The following SUCLG2 variants were observed in gnomAD, a reference collection of about 807,000 sequenced individuals.
SUCLG2 encodes the protein succinate--CoA ligase [GDP-forming] subunit beta, mitochondrial.
In SUCLG2, 42 loss-of-function variants were observed where a neutral mutation model predicts 47.9. The observed-to-expected ratio is 0.88, with a 90% CI of 0.69 to 1.14. The LOEUF (loss-of-function observed/expected upper bound fraction) is 1.14. SUCLG2 is among the 50% of genes most tolerant of loss of function. SUCLG2 has a pLI of 0.00. For synonymous variants in SUCLG2, 195 were observed against 197.3 expected (o/e 0.99, Z 0.10); for missense variants, 571 against 525.9 (o/e 1.09, Z -0.84).
intron 2 of SUCLG2, among the ~76,000 whole-genome samples, chr3:67,546,750 A>T (rs947551091): frequency 1.4e-4 from 21 of 151,514 alleles, no homozygotes; most frequent in African/African-American, 5.1e-4. Context: ...AAACAAACAA[A>T]ATTAGCTGAG....
chr3:67,538,889 G>C (rs949419484), intron 2 of SUCLG2, among the ~76,000 whole-genome samples: 1 of 152,186 alleles, frequency 6.6e-6, no homozygotes, highest in African/African-American at 2.4e-5. Flanking sequence ...GAATGCTTGT[G>C]ATTTTTGCAC....
chr3:67,412,620 C>T (rs1702953957), intron 9 of SUCLG2, among the ~76,000 whole-genome samples: 1 of 152,096 alleles, frequency 6.6e-6, no homozygotes, highest in Non-Finnish European at 1.5e-5. Flanking sequence ...GCACGATTGT[C>T]TTGGGTGGCT....
At chr3:67,397,137 A>G (rs1702550231) in intron 10 of SUCLG2, among the ~76,000 whole-genome samples, 1 of 151,214 alleles carries the variant, frequency 6.6e-6, no homozygotes, top group African/African-American at 2.4e-5. Context: ...CTCTCTCACC[A>G]CTCCTATTCA....
intron 2 of SUCLG2, among the ~76,000 whole-genome samples, chr3:67,543,399 T>C (rs1203807539): frequency 6.6e-6 from 1 of 152,138 alleles, no homozygotes; most frequent in Non-Finnish European, 1.5e-5. Flanking sequence ...AGCCACTTTG[T>C]GAGGCCGAGG....
At chr3:67,613,935 C>G (rs766533028) in intron 1 of SUCLG2, among the ~76,000 whole-genome samples, 1 of 152,110 alleles carries the variant, frequency 6.6e-6, no homozygotes, top group African/African-American at 2.4e-5. Flanking sequence ...AGGACTTTCA[C>G]GAAATGCTGA....
chr3:67,392,659 G>C (rs1274674410), intron 10 of SUCLG2, among the ~76,000 whole-genome samples: 1 of 152,032 alleles, frequency 6.6e-6, no homozygotes, highest in Non-Finnish European at 1.5e-5. Context: ...TGCTCCTTAA[G>C]GTAAAAACCA....
chr3:67,460,824 AAAG>A (rs1704312800), intron 9 of SUCLG2, among the ~76,000 whole-genome samples: 1 of 152,246 alleles, frequency 6.6e-6, no homozygotes, highest in African/African-American at 2.4e-5. Flanking sequence ...ACTATACAGT[AAAG>A]AAGAGAGTAA....
At chr3:67,533,517 G>C (rs930710819) in intron 2 of SUCLG2, among the ~76,000 whole-genome samples, 1 of 152,132 alleles carries the variant, frequency 6.6e-6, no homozygotes, top group African/African-American at 2.4e-5. Context: ...AAGTTAAATT[G>C]TATTTCAGAA....
chr3:67,558,637 T>C (rs755528143), intron 2 of SUCLG2, among the ~76,000 whole-genome samples: 14 of 152,144 alleles, frequency 9.2e-5, no homozygotes, highest in African/African-American at 1.4e-4. Context: ...TTTCCGGTAA[T>C]AGAAATTTCC....
chr3:67,625,274 C>G (rs763941641), intron 1 of SUCLG2, among the ~76,000 whole-genome samples: 17 of 152,030 alleles, frequency 1.1e-4, no homozygotes, highest in Admixed American at 9.8e-4. Context: ...CTTCACCCTG[C>G]CATTTATTCA....
chr3:67,364,372 C>A (rs1024929677), intron 10 of SUCLG2, among the ~76,000 whole-genome samples: 2 of 152,048 alleles, frequency 1.3e-5, no homozygotes, highest in Non-Finnish European at 2.9e-5. Flanking sequence ...GGCATCCCCC[C>A]CAACTATTCA....
intron 1 of SUCLG2, among the ~76,000 whole-genome samples, chr3:67,633,139 G>C (rs947551059): frequency 6.6e-6 from 1 of 152,142 alleles, no homozygotes; most frequent in African/African-American, 2.4e-5. Context: ...ATGTGCTTAA[G>C]CCAGAAAACA....
intron 1 of SUCLG2, among the ~76,000 whole-genome samples, chr3:67,646,377 C>T (rs1284753088): frequency 6.6e-6 from 1 of 152,162 alleles, no homozygotes; most frequent in East Asian, 1.9e-4. Context: ...GGTGGACCAC[C>T]TGAGGTCAGG....
chr3:67,432,974 C>T (rs371986924), intron 9 of SUCLG2, among the ~76,000 whole-genome samples: 4 of 152,148 alleles, frequency 2.6e-5, no homozygotes, highest in South Asian at 2.1e-4. Context: ...TAATTTCTCT[C>T]GAGCTTCCTG....
intron 9 of SUCLG2, among the ~76,000 whole-genome samples, chr3:67,451,622 T>C (rs1704059110): frequency 1.3e-5 from 2 of 152,182 alleles, no homozygotes; most frequent in African/African-American, 2.4e-5. Flanking sequence ...ACAATGACTA[T>C]TTTCATAGAT....
chr3:67,482,871 G>T (rs1200949069), intron 9 of SUCLG2, among the ~76,000 whole-genome samples: 1 of 152,092 alleles, frequency 6.6e-6, no homozygotes, highest in East Asian at 1.9e-4. Context: ...CGATCTTCAG[G>T]CCTTTCAGTA....
chr3:67,621,809 A>G (rs940830792), intron 1 of SUCLG2, among the ~76,000 whole-genome samples: 3 of 152,178 alleles, frequency 2.0e-5, no homozygotes, highest in Non-Finnish European at 4.4e-5. Flanking sequence ...CTCCATAACT[A>G]TAAGAAATAA....
chr3:67,466,241 T>C (rs981570711), intron 9 of SUCLG2, among the ~76,000 whole-genome samples: 1 of 152,142 alleles, frequency 6.6e-6, no homozygotes, highest in African/African-American at 2.4e-5. Context: ...TAATCCCTGC[T>C]ACTCAGGAGG....
At chr3:67,480,070 A>G (rs1704871052) in intron 9 of SUCLG2, among the ~76,000 whole-genome samples, 1 of 152,204 alleles carries the variant, frequency 6.6e-6, no homozygotes, top group Non-Finnish European at 1.5e-5. Context: ...AGGAAATAAA[A>G]ATAAGTGTTA....
Sources: allele counts gnomAD v4.1 joint callset (sites outside exome capture counted in the v4.1 genomes callset), GRCh38; gene constraint gnomAD v4.1.1; transcripts MANE v1.5; gene names NCBI Gene and HGNC (gene_info 2026-07-23, HGNC 2026-07-21).